Variants in ANKRD29 observed in about 807,000 individuals in gnomAD.
ANKRD29 encodes ankyrin repeat domain-containing protein 29.
A neutral mutation model predicts 38.0 loss-of-function variants in ANKRD29; 32 were observed. The observed-to-expected ratio is 0.84, with a 90% CI of 0.64 to 1.13. The LOEUF (loss-of-function observed/expected upper bound fraction) is 1.13, where lower values mean the gene tolerates loss of function less well. Ranked by LOEUF, ANKRD29 falls within the 50% of genes most tolerant of loss-of-function variation. The probability of loss-of-function intolerance (pLI) is 0.00; values close to 1 mark genes in which losing one functional copy is unlikely to be tolerated. For missense variants in ANKRD29, 357 were observed against 377.9 expected, an observed-to-expected ratio of 0.94 and a Z score of 0.46; for synonymous variants, 135 against 152.4, an observed-to-expected ratio of 0.89 and a Z score of 0.84.
rs1038171901 is a variant in ANKRD29 at position 23,601,067 on chromosome 18, C to T, written c.*159G>A. The T allele has an allele frequency of 9.5e-6, 6 of 629,082 alleles. No homozygotes were observed. Among genetic ancestry groups the T allele is most frequent in the African/African-American group, 5.6e-5 (3 of 54,002 alleles). 39.0% of individuals were successfully genotyped at this position (629,082 alleles called of 1,614,324 possible). A position where few individuals can be genotyped will look rare whatever the true frequency, so the allele number is the denominator to read the frequency against. Reference sequence around the variant, plus strand: ...CCCTGAGCTGTTTGGTTCTTGACTTCGTGCACAGAGCGTAGCTCTTCTTTG... The same window carrying T: ...CCCTGAGCTGTTTGGTTCTTGACTTTGTGCACAGAGCGTAGCTCTTCTTTG... On this transcript the variant is annotated 3_prime_UTR_variant, in exon 10 of 10. Coordinates refer to ENST00000592179, the MANE Select transcript of ANKRD29 (RefSeq NM_173505.4).
Position 23,623,809 on chromosome 18 carries a change from AT to A in ANKRD29, c.529-4181del, listed in dbSNP as rs938519027. On this transcript the variant is annotated intron_variant, in intron 6 of 9. Coordinates refer to ENST00000592179, the MANE Select transcript of ANKRD29 (RefSeq NM_173505.4). ...AGGTGCCCACCACCACGCCCGGCTA[AT>A]TTTTTTTTATTTTTAGTAGAGATGG... 4.0e-5 allele frequency among the ~76,000 whole-genome samples: 6 copies of A among 150,726 alleles called. No homozygotes were observed. The East Asian group carries it at 9.8e-4, about 25-fold the overall frequency.
rs545512757 is a variant in ANKRD29, at chr18:23,612,033, C to A, written c.822+59G>T. 4.1e-4 allele frequency: 610 copies of A among 1,484,488 alleles called. 1 individual carries two copies. Among genetic ancestry groups the A allele is most frequent in the Non-Finnish European group, 5.5e-4 (589 of 1,072,680 alleles). 92.0% of individuals were successfully genotyped at this position (1,484,488 alleles called of 1,614,324 possible). On this transcript the variant is annotated intron_variant, in intron 9 of 9. Transcript: ENST00000592179. ...GGAGCCAGGGAGATGTTTATCCTTC[C>A]TGGCCTAGGAGGACACATCAATGGG... is the stretch of plus-strand genomic sequence containing the variant.
intron 6 of ANKRD29, 73 bp downstream of exon 6, chr18:23,629,780 G>T: frequency 8.3e-7 from 1 of 1,203,862 alleles, no homozygotes; most frequent in Non-Finnish European, 1.2e-6. Context: ...TCAGGTATGT[G>T]CTGCCAGCGG....
intron 1 of ANKRD29, among the ~76,000 whole-genome samples, chr18:23,662,388 C>G (rs1255936364): frequency 6.6e-6 from 1 of 152,144 alleles, no homozygotes; most frequent in African/African-American, 2.4e-5. Flanking sequence ...CAGCGCTGAC[C>G]CCAGGCTTCT....
intron 4 of ANKRD29, among the ~76,000 whole-genome samples, chr18:23,635,745 A>G (rs1339499367): frequency 6.6e-6 from 1 of 152,160 alleles, no homozygotes. Context: ...TTGACCAGTC[A>G]TGTGGGTTGA....
At chr18:23,639,526 G>C (rs1459471333) in intron 3 of ANKRD29, among the ~76,000 whole-genome samples, 2 of 140,822 alleles carry the variant, frequency 1.4e-5, no homozygotes. Flanking sequence ...TGATTTTACT[G>C]TGATTTTTTT....
Position 23,634,032 on chromosome 18 carries a change from C to A in ANKRD29, c.429+19G>T. 1.9e-6 allele frequency: 3 copies of A among 1,611,738 alleles called. No individual in the cohort carries two copies. The highest frequency in any genetic ancestry group is 1.7e-6 in the Non-Finnish European group (2 of 1,177,872). ...TATGTGATGAGAAATGTCCTAATGT[C>A]CCCCTGAAATGCACTCACATAAAGT... On this transcript the variant is annotated intron_variant, in intron 5 of 9. Coordinates refer to ENST00000592179, the MANE Select transcript of ANKRD29 (RefSeq NM_173505.4).
At chr18:23,642,177 C>T (rs750069065) in intron 3 of ANKRD29, among the ~76,000 whole-genome samples, 11 of 151,978 alleles carry the variant, frequency 7.2e-5, no homozygotes, top group Middle Eastern at 3.4e-3. Context: ...TAGGACCTGG[C>T]GAATGACCCT....
intron 1 of ANKRD29, among the ~76,000 whole-genome samples, chr18:23,655,775 A>C (rs540067826): frequency 6.8e-6 from 1 of 147,354 alleles, no homozygotes; most frequent in East Asian, 2.2e-4. Context: ...TTAAAAAATA[A>C]TTCTCTGAGT....
intron 4 of ANKRD29, among the ~76,000 whole-genome samples, chr18:23,634,941 T>C (rs1260487185): frequency 2.0e-5 from 3 of 152,200 alleles, no homozygotes; most frequent in African/African-American, 7.2e-5. Context: ...GGTAACCCTC[T>C]GGGGCCATTG....
intron 1 of ANKRD29, among the ~76,000 whole-genome samples, chr18:23,652,455 AC>A (rs1191721930): frequency 2.6e-5 from 4 of 151,846 alleles, no homozygotes; most frequent in Non-Finnish European, 5.9e-5. Flanking sequence ...GGCAGCAGTG[AC>A]CCCCGGTGAC....
intron 2 of ANKRD29, chr18:23,648,670 G>A (rs1470276895): frequency 2.6e-6 from 1 of 389,594 alleles, no homozygotes; most frequent in East Asian, 3.6e-5. Context: ...TCCTGGGGGA[G>A]GCTTCAATTT....
At chr18:23,634,986 G>A (rs1193441629) in intron 4 of ANKRD29, among the ~76,000 whole-genome samples, 1 of 152,188 alleles carries the variant, frequency 6.6e-6, no homozygotes, top group Non-Finnish European at 1.5e-5. Context: ...CATTAAAAGA[G>A]CGGATAGCTA....
chr18:23,601,377 G>T, intron 9 of ANKRD29, 68 bp from the exon 10 acceptor site: 1 of 1,343,652 alleles, frequency 7.4e-7, no homozygotes, highest in Non-Finnish European at 1.1e-6. Context: ...CTCCAAAGAG[G>T]GGCATTTGAC....
chr18:23,654,325 A>C (rs1456291517), intron 1 of ANKRD29, among the ~76,000 whole-genome samples: 1 of 142,358 alleles, frequency 7.0e-6, no homozygotes, highest in Non-Finnish European at 1.5e-5. Flanking sequence ...TAAATAAATA[A>C]ATCCAAGTCT....
At chr18:23,637,839 G>A (rs1377933119) in intron 4 of ANKRD29, among the ~76,000 whole-genome samples, 2 of 151,956 alleles carry the variant, frequency 1.3e-5, no homozygotes, top group Admixed American at 1.3e-4. Context: ...TTATAATTAG[G>A]CTAGAAATGA....
chr18:23,619,051 A>T (rs1211860762), intron 7 of ANKRD29, among the ~76,000 whole-genome samples: 1 of 152,230 alleles, frequency 6.6e-6, no homozygotes, highest in East Asian at 1.9e-4. Context: ...CTTATGGGGA[A>T]AAGGGCCTGC....
chr18:23,623,666 G>A (rs1348125287), intron 6 of ANKRD29, among the ~76,000 whole-genome samples: 10 of 150,564 alleles, frequency 6.6e-5, no homozygotes, highest in African/African-American at 9.7e-5. Context: ...TTTTTGAGAC[G>A]GAGTCTTGCT....
At chr18:23,612,292 T>C in intron 8 of ANKRD29, 102 bp from the exon 9 acceptor site, 1 of 1,013,994 alleles carries the variant, frequency 9.9e-7, no homozygotes, top group East Asian at 2.5e-5. Flanking sequence ...TGTAACCTCA[T>C]ACCCGTAACC....
Sources: allele counts gnomAD v4.1 joint callset (sites outside exome capture counted in the v4.1 genomes callset), GRCh38; gene constraint gnomAD v4.1.1; transcripts MANE v1.5; gene names NCBI Gene and HGNC (gene_info 2026-07-23, HGNC 2026-07-21).